Variants in BLACAT1 observed in about 807,000 individuals in gnomAD.
BLACAT1 encodes the protein bladder cancer associated transcript 1.
rs1293748862 is a variant in BLACAT1 at position 205,441,517 on chromosome 1, T to A, written c.-36-455A>T. ...TGCACACACGACAGGCCCTCCTCCA[T>A]CCAAATGCGGACCCCTTCATCCAGT... On this transcript the variant is annotated intron_variant, in intron 1 of 1. Transcript: ENST00000629624. The surrounding 1 kb of genome is among the most constrained non-coding windows in gnomAD (Gnocchi z 4.3). 6.6e-6 allele frequency among the ~76,000 whole-genome samples: 1 copy of A among 152,108 alleles called. No individual in the cohort carries two copies. Among genetic ancestry groups the A allele is most frequent in the Non-Finnish European group, 1.5e-5 (1 of 68,010 alleles).
rs929094342 is a variant in BLACAT1 at position 205,450,110 on chromosome 1, G to T, written c.-37+5807C>A. 1.3e-5 allele frequency among the ~76,000 whole-genome samples: 2 copies of T among 152,052 alleles called. No individual in the cohort carries two copies. The highest frequency in any genetic ancestry group is 4.8e-5 in the African/African-American group (2 of 41,420). ...CCCCAGCCCTGAGGACGGTGGGGGTGGGGGTGGGGGCGGGCTGGGCAGGCG... is the reference window on the plus strand; with the variant it reads ...CCCCAGCCCTGAGGACGGTGGGGGTTGGGGTGGGGGCGGGCTGGGCAGGCG... On this transcript the variant is annotated intron_variant, in intron 1 of 1. Coordinates refer to ENST00000629624, the Ensembl canonical transcript of BLACAT1. The surrounding 1 kb of genome is among the most constrained non-coding windows in gnomAD (Gnocchi z 4.4).
At position 205,448,264 on chromosome 1, in the gene BLACAT1, G is replaced by C. The variant is rs559802179; in HGVS notation, c.-36-7202C>G. ...CTGGTGCCCCTTGGTGGCTGGCTCC[G>C]AACCTGGTCCCATGGGAGGTGCAGC... On this transcript the variant is annotated intron_variant, in intron 1 of 1. Transcript: ENST00000629624. This position sits in a 1 kb window ranked among gnomAD's most constrained non-coding sequence, Gnocchi z 4.7. 1 of 510,974 alleles carries C rather than the reference G, an allele frequency of 2.0e-6. No homozygotes were observed. Among genetic ancestry groups the C allele is most frequent in the East Asian group, 5.6e-5 (1 of 17,734 alleles). 31.7% of individuals were successfully genotyped at this position (510,974 alleles called of 1,614,324 possible). A position where few individuals can be genotyped will look rare whatever the true frequency, so the allele number is the denominator to read the frequency against.
In BLACAT1 at chr1:205,450,638, A is replaced by G. The variant is rs1168461178; in HGVS notation, c.-37+5279T>C. On this transcript the variant is annotated intron_variant, in intron 1 of 1. Coordinates refer to ENST00000629624, the Ensembl canonical transcript of BLACAT1. This position sits in a 1 kb window ranked among gnomAD's most constrained non-coding sequence, Gnocchi z 4.4. ...GTCCTGCGCTCGGATTCCCAGCCAT[A>G]GCCTGCCAATCCCAGCTGCCTATCC... Among the ~76,000 whole-genome samples, 2 of 151,978 alleles carry G rather than the reference A, an allele frequency of 1.3e-5. No homozygotes were observed. The highest frequency in any genetic ancestry group is 2.9e-5 in the Non-Finnish European group (2 of 67,980).
intron 1 of BLACAT1, among the ~76,000 whole-genome samples, chr1:205,442,146 T>C (rs938622906): frequency 6.6e-6 from 1 of 152,154 alleles, no homozygotes; most frequent in African/African-American, 2.4e-5. Flanking sequence ...GAAAGCGCCC[T>C]GCGTGGAGGT....
downstream of BLACAT1, among the ~76,000 whole-genome samples, chr1:205,439,108 G>A (rs1666253052): frequency 6.6e-6 from 1 of 152,174 alleles, no homozygotes; most frequent in Non-Finnish European, 1.5e-5. Flanking sequence ...TGCCCTCCAG[G>A]AGGCTCTCTG....
chr1:205,443,250 A>G (rs1043844888), intron 1 of BLACAT1, among the ~76,000 whole-genome samples: 4 of 151,410 alleles, frequency 2.6e-5, no homozygotes, highest in Admixed American at 6.6e-5. Context: ...CAGCCCCACA[A>G]ACAGGTCAAG....
chr1:205,451,529 C>T, intron 1 of BLACAT1, among the ~76,000 whole-genome samples: 1 of 151,938 alleles, frequency 6.6e-6, no homozygotes, highest in East Asian at 1.9e-4. Context: ...CAGCCTGGGC[C>T]CTGCCGCCTG....
Position 205,441,915 on chromosome 1 carries a change from ATCTGTTGCAG to A in BLACAT1, c.-36-863_-36-854del, listed in dbSNP as rs1367993675. On this transcript the variant is annotated intron_variant, in intron 1 of 1. Transcript: ENST00000629624. The surrounding 1 kb of genome is among the most constrained non-coding windows in gnomAD (Gnocchi z 4.3). ...AGCAGGAGCCAGGGGCCGCTCTGGT[ATCTGTTGCAG>A]TCTGGCTGGGGAAGAGAGGGAGCTT... Among the ~76,000 whole-genome samples the A allele has an allele frequency of 6.6e-6, 1 of 152,176 alleles. No individual in the cohort carries two copies. Among genetic ancestry groups the A allele is most frequent in the Non-Finnish European group, 1.5e-5 (1 of 68,018 alleles).
intron 1 of BLACAT1, among the ~76,000 whole-genome samples, chr1:205,452,233 G>C (rs1280248564): frequency 6.6e-6 from 1 of 152,162 alleles, no homozygotes; most frequent in South Asian, 2.1e-4. Flanking sequence ...CCTTTTTAGG[G>C]AGCCCCCAGT....
At chr1:205,453,856 A>G (rs1366309882) in intron 1 of BLACAT1, among the ~76,000 whole-genome samples, 1 of 152,212 alleles carries the variant, frequency 6.6e-6, no homozygotes, top group Non-Finnish European at 1.5e-5. Context: ...TTAAAGAAAA[A>G]TATAAGAATG....
At chr1:205,446,942 G>T (rs893616701) in intron 1 of BLACAT1, among the ~76,000 whole-genome samples, 1 of 152,200 alleles carries the variant, frequency 6.6e-6, no homozygotes, top group Non-Finnish European at 1.5e-5. Context: ...CGCTCCCCCC[G>T]ACCTCCTGTG....
rs1382926356 is a variant in BLACAT1, at chr1:205,441,453, C to G, written c.-36-391G>C. ...AGCCTCCGGCTTGTGCCACCTTACA[C>G]CAGGTTCTAGCTGGGGGCTTCCACT... On this transcript the variant is annotated intron_variant, in intron 1 of 1. Coordinates refer to ENST00000629624, the Ensembl canonical transcript of BLACAT1. This position sits in a 1 kb window ranked among gnomAD's most constrained non-coding sequence, Gnocchi z 4.3. Among the ~76,000 whole-genome samples the G allele has an allele frequency of 6.6e-6, 1 of 152,170 alleles. No homozygotes were observed. The highest frequency in any genetic ancestry group is 1.5e-5 in the Non-Finnish European group (1 of 68,016).
chr1:205,445,660 G>T (rs1448486349), intron 1 of BLACAT1, among the ~76,000 whole-genome samples: 2 of 152,216 alleles, frequency 1.3e-5, no homozygotes, highest in African/African-American at 4.8e-5. Context: ...AGCTGGAGAG[G>T]TCAGAGCAGC....
At chr1:205,440,006 C>G (rs1276088926) in exon 2 of BLACAT1, among the ~76,000 whole-genome samples, 1 of 152,018 alleles carries the variant, frequency 6.6e-6, no homozygotes, top group East Asian at 1.9e-4. Flanking sequence ...CCTAGAGGTC[C>G]CCCCACCCTA....
chr1:205,440,222 G>A (rs893223424), exon 2 of BLACAT1, among the ~76,000 whole-genome samples: 3 of 152,268 alleles, frequency 2.0e-5, no homozygotes, highest in Middle Eastern at 3.4e-3. Context: ...TGTGATGCTG[G>A]CAAGGAGGCA....
At chr1:205,438,799 C>T (rs1666248198), downstream of BLACAT1, among the ~76,000 whole-genome samples, 1 of 152,030 alleles carries the variant, frequency 6.6e-6, no homozygotes, top group Non-Finnish European at 1.5e-5. Context: ...ATCTAGTATC[C>T]CTCTGGAGCC....
chr1:205,449,208 G>A (rs1461083990), intron 1 of BLACAT1, among the ~76,000 whole-genome samples: 2 of 152,150 alleles, frequency 1.3e-5, no homozygotes, highest in Non-Finnish European at 2.9e-5. Context: ...GGATTGAAGA[G>A]CTGAGTTAAG....
downstream of BLACAT1, among the ~76,000 whole-genome samples, chr1:205,438,272 T>C (rs138784963): frequency 1.3e-3 from 198 of 152,308 alleles, 1 homozygote; most frequent in African/African-American, 4.6e-3. Context: ...CCTGATCTCC[T>C]CCACAGAATC....
rs539977002 is a variant in BLACAT1, at chr1:205,441,971, G to C, written c.-36-909C>G. Among the ~76,000 whole-genome samples the C allele has an allele frequency of 2.6e-5, 4 of 152,298 alleles. No homozygotes were observed. The highest frequency in any genetic ancestry group is 9.6e-5 in the African/African-American group (4 of 41,570). ...AGCTTCAGGAGCTCAGCTTCAGTCTGCAAGAGTATCCCTTTCTCCAAAGGC... is the reference window on the plus strand; with the variant it reads ...AGCTTCAGGAGCTCAGCTTCAGTCTCCAAGAGTATCCCTTTCTCCAAAGGC... On this transcript the variant is annotated intron_variant, in intron 1 of 1. Transcript: ENST00000629624. This position sits in a 1 kb window ranked among gnomAD's most constrained non-coding sequence, Gnocchi z 4.3.
Sources: allele counts gnomAD v4.1 joint callset (sites outside exome capture counted in the v4.1 genomes callset), GRCh38; gene constraint gnomAD v4.1.1; non-coding constraint Gnocchi (gnomAD v3.1); transcripts MANE v1.5; gene names NCBI Gene and HGNC (gene_info 2026-07-23, HGNC 2026-07-21).